FAM184A: variants seen among roughly 807,000 people sequenced by gnomAD.
FAM184A encodes family with sequence similarity 184 member A, also known as protein FAM184A.
Under a neutral mutation model 143.8 loss-of-function variants are expected in FAM184A, and 99 were observed. The observed-to-expected ratio is 0.69, with a 90% CI of 0.58 to 0.81. The LOEUF (loss-of-function observed/expected upper bound fraction) is 0.81. Among genes scored for constraint, FAM184A ranks in the 40% least tolerant of loss-of-function variants. FAM184A has a pLI of 0.00. For missense variants in FAM184A, 1,217 were observed against 1,310.5 expected (o/e 0.93, Z 1.10); for synonymous variants, 427 against 446.4 (o/e 0.96, Z 0.55).
chr6:119,020,824 T>C (rs777615588), intron 3 of FAM184A, among the ~76,000 whole-genome samples: 4 of 152,090 alleles, frequency 2.6e-5, no homozygotes, highest in Non-Finnish European at 4.4e-5. Flanking sequence ...CACTATGTCC[T>C]GCAACATAGC....
At chr6:119,134,587 G>A (rs141945312) in intron 1 of FAM184A, among the ~76,000 whole-genome samples, 2,409 of 149,454 alleles carry the variant, frequency 0.016, 68 homozygotes, top group African/African-American at 0.053. Flanking sequence ...CCAGGAGGTC[G>A]AGGCTGTAGT....
At chr6:118,980,537 T>TTTCTGTAA (rs1457558706) in intron 9 of FAM184A, among the ~76,000 whole-genome samples, 187 bp from the exon 10 acceptor site, 1 of 152,200 alleles carries the variant, frequency 6.6e-6, no homozygotes, top group East Asian at 1.9e-4. Flanking sequence ...AAAATTCCAC[T>TTTCTGTAA]TTCTGTAATT....
chr6:119,129,764 TA>T (rs1789483291), intron 1 of FAM184A, among the ~76,000 whole-genome samples: 1 of 152,060 alleles, frequency 6.6e-6, no homozygotes, highest in Non-Finnish European at 1.5e-5. Flanking sequence ...CTTATTTGCA[TA>T]AAAGACTATT....
chr6:119,050,787 G>A (rs1362610865), intron 1 of FAM184A, among the ~76,000 whole-genome samples: 1 of 151,612 alleles, frequency 6.6e-6, no homozygotes, highest in Admixed American at 6.6e-5. Flanking sequence ...AGTCCGGCCT[G>A]GGCGACAGAG....
chr6:119,059,243 A>C (rs901107778), intron 1 of FAM184A, among the ~76,000 whole-genome samples: 1 of 152,160 alleles, frequency 6.6e-6, no homozygotes, highest in African/African-American at 2.4e-5. Context: ...GCCTCCCAAA[A>C]TGTGGGGATT....
chr6:119,109,113 A>G (rs1436770666), intron 1 of FAM184A, among the ~76,000 whole-genome samples: 2 of 102,216 alleles, frequency 2.0e-5, no homozygotes, highest in Non-Finnish European at 3.8e-5. Flanking sequence ...TTTCCCAACT[A>G]TTCTTGGTCT....
chr6:118,989,487 T>G (rs1340039578), intron 9 of FAM184A, among the ~76,000 whole-genome samples: 1 of 116,140 alleles, frequency 8.6e-6, no homozygotes, highest in Non-Finnish European at 2.1e-5. Context: ...CATATTGCAA[T>G]TATTTCTTCA....
At chr6:119,101,069 C>CT (rs34570036) in intron 1 of FAM184A, among the ~76,000 whole-genome samples, 59,085 of 139,584 alleles carry the variant, frequency 0.42, 13,194 homozygotes, top group East Asian at 0.57. Flanking sequence ...AATGCACTTT[C>CT]TTTTTTTTTT....
chr6:119,138,293 G>A (rs1047518413), intron 1 of FAM184A, among the ~76,000 whole-genome samples: 31 of 152,124 alleles, frequency 2.0e-4, no homozygotes, highest in African/African-American at 7.5e-4. Context: ...TCCTTTGTTA[G>A]TTTCCTGCTG....
At chr6:119,051,678 A>G (rs1786772833) in intron 1 of FAM184A, among the ~76,000 whole-genome samples, 1 of 152,100 alleles carries the variant, frequency 6.6e-6, no homozygotes, top group East Asian at 1.9e-4. Flanking sequence ...TTTTAAAAAG[A>G]GAGTATCTTG....
chr6:119,113,633 G>A (rs9489594), intron 1 of FAM184A, among the ~76,000 whole-genome samples: 1 of 100,284 alleles, frequency 1.0e-5, no homozygotes, highest in Non-Finnish European at 2.5e-5. Flanking sequence ...GAGAGAGAGA[G>A]AAAGAGAGAG....
At chr6:119,077,788 T>C (rs534354515) in intron 1 of FAM184A, among the ~76,000 whole-genome samples, 1 of 152,344 alleles carries the variant, frequency 6.6e-6, no homozygotes, top group East Asian at 1.9e-4. Context: ...AATGGTACTG[T>C]AGTGTGATGC....
At chr6:118,983,307 A>G (rs2114589498) in intron 9 of FAM184A, among the ~76,000 whole-genome samples, 1 of 152,334 alleles carries the variant, frequency 6.6e-6, no homozygotes, top group Non-Finnish European at 1.5e-5. Flanking sequence ...TAATTTTTAT[A>G]GCTATAATTT....
chr6:118,968,403 A>G (rs1783566293), intron 14 of FAM184A, among the ~76,000 whole-genome samples: 1 of 152,256 alleles, frequency 6.6e-6, no homozygotes, highest in African/African-American at 2.4e-5. Flanking sequence ...CAATGTGTTA[A>G]GTTCCACTAT....
At chr6:119,029,282 C>A (rs1482510972) in intron 1 of FAM184A, among the ~76,000 whole-genome samples, 2 of 152,212 alleles carry the variant, frequency 1.3e-5, no homozygotes, top group Admixed American at 1.3e-4. Context: ...TGGTGGAATT[C>A]ATATTTTGGG....
At chr6:119,091,318 C>T (rs73531398) in intron 1 of FAM184A, among the ~76,000 whole-genome samples, 11,092 of 152,200 alleles carry the variant, frequency 0.073, 824 homozygotes, top group African/African-American at 0.19. Context: ...AACTTCTCCA[C>T]CTTGGTTTCT....
rs1035315188 is a variant in FAM184A, at chr6:119,030,374, T to C, written c.160-5561A>G. 2.0e-5 allele frequency among the ~76,000 whole-genome samples: 3 copies of C among 152,084 alleles called. No homozygotes were observed. In the East Asian group the frequency reaches 5.8e-4, roughly 29 times the overall value. On this transcript the variant is annotated intron_variant, in intron 1 of 17. Coordinates refer to ENST00000338891, the MANE Select transcript of FAM184A (RefSeq NM_024581.6). Reference sequence around the variant, plus strand: ...AATTGTTCATTTTTCTATGTAATTATAAAGGTAACTATTTATTAGTGTCCT... The same window carrying C: ...AATTGTTCATTTTTCTATGTAATTACAAAGGTAACTATTTATTAGTGTCCT...
At chr6:119,109,515 A>G (rs1037739547) in intron 1 of FAM184A, among the ~76,000 whole-genome samples, 1 of 152,084 alleles carries the variant, frequency 6.6e-6, no homozygotes, top group Non-Finnish European at 1.5e-5. Flanking sequence ...ATGTTGGTAA[A>G]TGTTCATGTC....
intron 15 of FAM184A, 45 bp downstream of exon 15, chr6:118,966,790 T>C: frequency 3.5e-6 from 3 of 864,374 alleles, no homozygotes; most frequent in South Asian, 1.6e-5. Flanking sequence ...CCAATCAATA[T>C]CTATTGATTA....
Sources: allele counts gnomAD v4.1 joint callset (sites outside exome capture counted in the v4.1 genomes callset), GRCh38; gene constraint gnomAD v4.1.1; transcripts MANE v1.5; gene names NCBI Gene and HGNC (gene_info 2026-07-23, HGNC 2026-07-21).